The following POU2AF1 variants were observed in gnomAD, a reference collection of about 807,000 sequenced individuals.
POU2AF1 encodes the protein POU class 2 homeobox associating factor 1.
POU2AF1 carries 12 observed loss-of-function variants against 26.3 expected under a neutral mutation model. The ratio of observed to expected loss-of-function variants is 0.46; its 90% confidence interval spans 0.29 to 0.74. The LOEUF is 0.74. Among genes scored for constraint, POU2AF1 ranks in the 30% least tolerant of loss-of-function variants. The probability of loss-of-function intolerance (pLI) is 0.09; values close to 1 mark genes in which losing one functional copy is unlikely to be tolerated. For missense variants in POU2AF1, 297 were observed against 334.5 expected, an observed-to-expected ratio of 0.89 and a Z score of 0.87; for synonymous variants, 175 against 148.0, an observed-to-expected ratio of 1.18 and a Z score of -1.32.
chr11:111,354,158 A>T lies in POU2AF1; in HGVS notation c.*103T>A. The T allele has an allele frequency of 8.0e-7, 1 of 1,256,764 alleles. No homozygotes were observed. 77.9% of individuals were successfully genotyped at this position (1,256,764 alleles called of 1,614,324 possible). ...AATTCTAGCTGTGCGTAGAAAGTGT[A>T]GTCATGAAATGACTACTCCAAACAA... On this transcript the variant is annotated 3_prime_UTR_variant, in exon 5 of 5. Transcript: ENST00000393067.
intron 1 of POU2AF1, among the ~76,000 whole-genome samples, chr11:111,364,626 A>AT (rs1861070356): frequency 6.6e-6 from 1 of 152,204 alleles, no homozygotes; most frequent in African/African-American, 2.4e-5. Flanking sequence ...TCTCCCAGCC[A>AT]TTGTCCTCTT....
intron 2 of POU2AF1, among the ~76,000 whole-genome samples, chr11:111,358,184 C>G (rs1201097439): frequency 6.6e-6 from 1 of 152,058 alleles, no homozygotes; most frequent in Non-Finnish European, 1.5e-5. Context: ...CCCAGTTGCT[C>G]CACCCTAGCT....
intron 1 of POU2AF1, chr11:111,377,760 A>C (rs1861336711): frequency 5.5e-6 from 1 of 181,438 alleles, no homozygotes; most frequent in African/African-American, 2.4e-5. Context: ...CCCAGTAAAA[A>C]GATGAATGCC....
intron 4 of POU2AF1, among the ~76,000 whole-genome samples, chr11:111,355,395 G>A (rs1210418633): frequency 1.3e-5 from 2 of 152,154 alleles, no homozygotes; most frequent in Admixed American, 6.5e-5. Context: ...CAACAGGGGC[G>A]GGACCTGGAT....
chr11:111,370,785 G>C (rs1861194994), intron 1 of POU2AF1, among the ~76,000 whole-genome samples: 1 of 152,186 alleles, frequency 6.6e-6, no homozygotes, highest in Admixed American at 6.5e-5. Flanking sequence ...ATCTAAGCAA[G>C]AAGTCTGATT....
At chr11:111,379,090 C>A (rs1727457044) in intron 1 of POU2AF1, 72 bp downstream of exon 1, 1 of 1,591,370 alleles carries the variant, frequency 6.3e-7, no homozygotes, top group African/African-American at 1.4e-5. Context: ...CTCCCCAATT[C>A]CAGACCAAGC....
At position 111,354,157 on chromosome 11, in the gene POU2AF1, TAGTCATG is replaced by T. The variant is rs2135102852; in HGVS notation, c.*97_*103del. 9 of 1,255,372 alleles carry T rather than the reference TAGTCATG, an allele frequency of 7.2e-6. No individual in the cohort carries two copies. The South Asian group carries it at 1.2e-4, about 17-fold the overall frequency. The allele number at this position is 1,255,372 out of a possible 1,614,324, so 77.8% of individuals were successfully genotyped here. A position where few individuals can be genotyped will look rare whatever the true frequency, so the allele number is the denominator to read the frequency against. On this transcript the variant is annotated 3_prime_UTR_variant, in exon 5 of 5. Coordinates refer to ENST00000393067, the MANE Select transcript of POU2AF1 (RefSeq NM_006235.3). ...CAATTCTAGCTGTGCGTAGAAAGTGTAGTCATGAAATGACTACTCCAAACAAGCATGA... is the reference window on the plus strand; with the variant it reads ...CAATTCTAGCTGTGCGTAGAAAGTGTAAATGACTACTCCAAACAAGCATGA...
At chr11:111,361,396 G>A (rs907328503) in intron 1 of POU2AF1, among the ~76,000 whole-genome samples, 3 of 152,174 alleles carry the variant, frequency 2.0e-5, no homozygotes, top group Non-Finnish European at 4.4e-5. Context: ...TCAAATCTGG[G>A]CTGTCACTTA....
rs1565357206 is a variant in POU2AF1 at position 111,353,029 on chromosome 11, GGAAGGAAGGAAGGAAGGAAGGAAGGAAA to G, written c.*1204_*1231del. ...AGGAAGGAAGGAAGGAAGGAAGGAA[GGAAGGAAGGAAGGAAGGAAGGAAGGAAA>G]GAAACAAAACCCACATGGTAGCACT... On this transcript the variant is annotated 3_prime_UTR_variant, in exon 5 of 5. Coordinates refer to ENST00000393067, the MANE Select transcript of POU2AF1 (RefSeq NM_006235.3). 1,293 of 137,260 alleles carry G rather than the reference GGAAGGAAGGAAGGAAGGAAGGAAGGAAA, an allele frequency of 9.4e-3. 36 individuals are homozygous for G. Among genetic ancestry groups the G allele is most frequent in the African/African-American group, 0.05 (1,158 of 23,124 alleles). 8.5% of individuals were successfully genotyped at this position (137,260 alleles called of 1,614,324 possible).
At chr11:111,362,537 T>C (rs1304344266) in intron 1 of POU2AF1, among the ~76,000 whole-genome samples, 1 of 152,224 alleles carries the variant, frequency 6.6e-6, no homozygotes, top group East Asian at 1.9e-4. Context: ...GAATTTGTAG[T>C]TCCCACATAC....
chr11:111,367,945 G>A (rs1051824572), intron 1 of POU2AF1, among the ~76,000 whole-genome samples: 3 of 152,136 alleles, frequency 2.0e-5, no homozygotes, highest in Admixed American at 1.3e-4. Flanking sequence ...GAGCAGAAAG[G>A]GTTCGCAGAT....
Position 111,357,514 on chromosome 11 carries a change from G to A in POU2AF1, c.387C>T (p.Pro129=). The change falls in exon 4 of 5, where the codon CCC becomes CCT. Residue 129 remains proline, a synonymous_variant. Transcript: ENST00000393067. The part of the protein sequence containing the change: ...SADMYVQPVC[P]SYTVVGPSSV... Reference sequence around the variant, plus strand: ...AGGAGGGCCCCACCACCGTGTAGCTGGGGCACACGGGCTGCACATACATGT... The same window carrying A: ...AGGAGGGCCCCACCACCGTGTAGCTAGGGCACACGGGCTGCACATACATGT... 1 of 1,614,122 alleles carries A rather than the reference G, an allele frequency of 6.2e-7. No individual in the cohort carries two copies. Among genetic ancestry groups the A allele is most frequent in the Non-Finnish European group, 8.5e-7 (1 of 1,179,984 alleles).
intron 1 of POU2AF1, chr11:111,362,836 C>T (rs1861036560): frequency 6.6e-6 from 1 of 152,336 alleles, no homozygotes; most frequent in South Asian, 2.1e-4. Context: ...CCCATATGCA[C>T]ATATCTCAGA....
chr11:111,374,116 A>AT (rs60260380), intron 1 of POU2AF1, among the ~76,000 whole-genome samples: 32,053 of 109,414 alleles, frequency 0.29, 5,080 homozygotes, highest in South Asian at 0.58. Context: ...GGCAAACTTG[A>AT]TTTTTTTTTT....
chr11:111,370,929 T>C (rs909133444), intron 1 of POU2AF1, among the ~76,000 whole-genome samples: 4 of 152,354 alleles, frequency 2.6e-5, no homozygotes, highest in Middle Eastern at 3.4e-3. Flanking sequence ...AATTCCATTA[T>C]TGGATGGATG....
At position 111,358,280 on chromosome 11, in the gene POU2AF1, A is replaced by G. The variant is rs527317740; in HGVS notation, c.148-443T>C. ...CCTCCCAAGCCATCTGCCTGCGCGC[A>G]CACACATTCTCACACAAACACACAC... On this transcript the variant is annotated intron_variant, in intron 2 of 4. Transcript: ENST00000393067. 1.4e-4 allele frequency among the ~76,000 whole-genome samples: 21 copies of G among 151,510 alleles called. No homozygotes were observed. The East Asian group carries it at 2.1e-3, about 15-fold the overall frequency.
chr11:111,367,700 C>G (rs184963386), intron 1 of POU2AF1, among the ~76,000 whole-genome samples: 81 of 152,332 alleles, frequency 5.3e-4, no homozygotes, highest in Non-Finnish European at 9.8e-4. Context: ...CTGATCCAGT[C>G]TCCCTCAATT....
intron 2 of POU2AF1, among the ~76,000 whole-genome samples, 177 bp downstream of exon 2, chr11:111,358,611 C>T: frequency 9.8e-6 from 1 of 102,416 alleles, no homozygotes; most frequent in African/African-American, 3.0e-5. Context: ...CTCTCACACA[C>T]TGACGCAGAT....
In POU2AF1 at chr11:111,357,613, C is replaced by T. The variant is rs144756454; in HGVS notation, c.288G>A (p.Leu96=). The change falls in exon 4 of 5, where the codon CTG becomes CTA. Residue 96 remains leucine, a synonymous_variant. Transcript: ENST00000393067. ...GWLSQPTPAT[L]QPLAPWTPYT... is the part of the protein sequence containing the mutation. The stretch of plus-strand genomic sequence containing the variant: ...AAGGTGTCCATGGGGCCAGGGGCTG[C>T]AGGGTGGCCGGGGTGGGCTGGGAGA... 38 of 1,613,762 alleles carry T rather than the reference C, an allele frequency of 2.4e-5. No homozygotes were observed. Among genetic ancestry groups the T allele is most frequent in the African/African-American group, 5.3e-5 (4 of 74,880 alleles).
Sources: gnomAD v4.1 joint callset for allele counts (sites outside exome capture counted in the v4.1 genomes callset) on GRCh38, gnomAD v4.1.1 for gene constraint, MANE v1.5 for transcripts, NCBI Gene and HGNC (gene_info 2026-07-23, HGNC 2026-07-21) for gene names.